SLC24A2: variants seen among roughly 807,000 people sequenced by gnomAD.
SLC24A2 encodes sodium/potassium/calcium exchanger 2.
SLC24A2 carries 36 observed loss-of-function variants against 62.0 expected under a neutral mutation model. The observed-to-expected ratio is 0.58, with a 90% CI of 0.44 to 0.77. The LOEUF is 0.77. Ranked by LOEUF, SLC24A2 falls within the 30% of genes least tolerant of loss-of-function variation. The pLI, the probability that SLC24A2 is intolerant of heterozygous loss-of-function variation, is 0.00. For synonymous variants in SLC24A2, 358 were observed against 294.0 expected, an observed-to-expected ratio of 1.22 and a Z score of -2.23; for missense variants, 846 against 817.9, an observed-to-expected ratio of 1.03 and a Z score of -0.42.
At chr9:20,200,798 C>T in the SLC24A2 span, among the ~76,000 whole-genome samples, 1 of 152,132 alleles carries the variant, frequency 6.6e-6, no homozygotes, top group Non-Finnish European at 1.5e-5. Flanking sequence ...TCATTGGTAG[C>T]TGTAAGGGTT....
the SLC24A2 span, among the ~76,000 whole-genome samples, chr9:20,041,044 G>T: frequency 5.3e-5 from 8 of 152,150 alleles, no homozygotes; most frequent in Non-Finnish European, 1.2e-4. Context: ...TTTTTTTTAG[G>T]ACATCGACTT....
At chr9:20,121,304 A>C in the SLC24A2 span, among the ~76,000 whole-genome samples, 1 of 151,892 alleles carries the variant, frequency 6.6e-6, no homozygotes, top group East Asian at 1.9e-4. Context: ...CCAGAAATAT[A>C]ATGTGGTTTT....
At chr9:19,850,047 G>A in the SLC24A2 span, among the ~76,000 whole-genome samples, 1 of 149,138 alleles carries the variant, frequency 6.7e-6, no homozygotes, top group Admixed American at 6.7e-5. Context: ...TAGGATGAAT[G>A]TTATGTAGGG....
chr9:19,763,621 T>A (rs1822415941), intron 2 of SLC24A2, among the ~76,000 whole-genome samples: 1 of 152,206 alleles, frequency 6.6e-6, no homozygotes, highest in Admixed American at 6.5e-5. Flanking sequence ...TGTTTATTGA[T>A]TTGCATATGT....
the SLC24A2 span, among the ~76,000 whole-genome samples, chr9:19,932,358 T>C: frequency 1.3e-5 from 2 of 152,178 alleles, no homozygotes; most frequent in Non-Finnish European, 2.9e-5. Context: ...TGTAGCCCAA[T>C]GTTGTCTTAC....
chr9:19,561,150 G>C (rs1835379442), intron 7 of SLC24A2, among the ~76,000 whole-genome samples: 1 of 151,372 alleles, frequency 6.6e-6, no homozygotes, highest in Non-Finnish European at 1.5e-5. Context: ...GGCTGGTCTT[G>C]AACTCTTGAC....
the SLC24A2 span, among the ~76,000 whole-genome samples, chr9:19,975,563 T>C: frequency 6.6e-6 from 1 of 152,208 alleles, no homozygotes; most frequent in African/African-American, 2.4e-5. Flanking sequence ...GACAAAAATA[T>C]TCAACTTACA....
the SLC24A2 span, among the ~76,000 whole-genome samples, chr9:20,111,551 A>G: frequency 6.6e-6 from 1 of 152,154 alleles, no homozygotes; most frequent in Non-Finnish European, 1.5e-5. Flanking sequence ...CTGATACAAA[A>G]GTGCTTTAAT....
chr9:20,046,874 A>G, the SLC24A2 span, among the ~76,000 whole-genome samples: 4 of 152,228 alleles, frequency 2.6e-5, 1 homozygote, highest in East Asian at 3.8e-4. Context: ...GTGATCCTCC[A>G]GGTACTGCTT....
the SLC24A2 span, among the ~76,000 whole-genome samples, chr9:20,211,295 C>G: frequency 2.6e-5 from 4 of 152,072 alleles, no homozygotes; most frequent in Non-Finnish European, 5.9e-5. Context: ...GGTGAATCAC[C>G]TGAGGTCAGG....
At chr9:19,712,515 G>C (rs1252980066) in intron 2 of SLC24A2, among the ~76,000 whole-genome samples, 1 of 152,168 alleles carries the variant, frequency 6.6e-6, no homozygotes. Flanking sequence ...TTTGGAATAG[G>C]AGCTTAGTAA....
chr9:19,877,154 C>T, the SLC24A2 span, among the ~76,000 whole-genome samples: 1 of 151,242 alleles, frequency 6.6e-6, no homozygotes, highest in Non-Finnish European at 1.5e-5. Context: ...GATGTTCCTC[C>T]CTTTTTATTG....
At chr9:19,972,237 G>A in the SLC24A2 span, among the ~76,000 whole-genome samples, 1 of 152,120 alleles carries the variant, frequency 6.6e-6, no homozygotes, top group African/African-American at 2.4e-5. Context: ...GAGAGTGAGA[G>A]AGAGAGAAAG....
chr9:19,578,238 TAAAA>T (rs1011616274), intron 5 of SLC24A2, among the ~76,000 whole-genome samples: 12 of 150,828 alleles, frequency 8.0e-5, no homozygotes, highest in African/African-American at 2.9e-4. Context: ...TATGGAAACA[TAAAA>T]AAAGTTACTA....
At chr9:19,602,408 GAGA>G (rs1836866487) in intron 4 of SLC24A2, among the ~76,000 whole-genome samples, 1 of 152,142 alleles carries the variant, frequency 6.6e-6, no homozygotes, top group Non-Finnish European at 1.5e-5. Context: ...GTTTATATTG[GAGA>G]AGAAGCAGGT....
intron 2 of SLC24A2, among the ~76,000 whole-genome samples, chr9:19,631,571 T>A (rs1413148447): frequency 6.6e-6 from 1 of 152,146 alleles, no homozygotes; most frequent in Non-Finnish European, 1.5e-5. Flanking sequence ...TACTTCCAAT[T>A]TTGCCCACCA....
chr9:19,826,173 C>CA, the SLC24A2 span, among the ~76,000 whole-genome samples: 766 of 110,696 alleles, frequency 6.9e-3, 7 homozygotes, highest in East Asian at 0.017. Flanking sequence ...TGATGCATTG[C>CA]AAAAAAAAAA....
Position 19,516,083 on chromosome 9 carries a change from G to A in SLC24A2, c.*70C>T, listed in dbSNP as rs1437025527. ...TGTGCCAGCTGCCTCTTCTCAAGAG[G>A]TCAAGGAGCCCAGAGCCCAGAGTGT... On this transcript the variant is annotated 3_prime_UTR_variant, in exon 11 of 11. Coordinates refer to ENST00000341998, the MANE Select transcript of SLC24A2 (RefSeq NM_020344.4). The A allele has an allele frequency of 3.8e-6, 6 of 1,598,552 alleles. No homozygotes were observed. Among genetic ancestry groups the A allele is most frequent in the Admixed American group, 1.7e-5 (1 of 59,978 alleles).
At chr9:19,749,538 T>C (rs1439020458) in intron 2 of SLC24A2, among the ~76,000 whole-genome samples, 4 of 152,198 alleles carry the variant, frequency 2.6e-5, no homozygotes, top group African/African-American at 9.6e-5. Context: ...GACTGCTTAT[T>C]TCTTACTAGA....
Sources: allele counts gnomAD v4.1 joint callset (sites outside exome capture counted in the v4.1 genomes callset), GRCh38; gene constraint gnomAD v4.1.1; transcripts MANE v1.5; gene names NCBI Gene and HGNC (gene_info 2026-07-23, HGNC 2026-07-21).